ATRNL1: variants seen among roughly 807,000 people sequenced by gnomAD.
The protein encoded by ATRNL1 is attractin like 1.
Under a neutral mutation model 182.7 loss-of-function variants are expected in ATRNL1, and 95 were observed. The ratio of observed to expected loss-of-function variants is 0.52; its 90% CI spans 0.44 to 0.62. The LOEUF (loss-of-function observed/expected upper bound fraction) is 0.62. Ranked by LOEUF, ATRNL1 falls within the 20% of genes least tolerant of loss-of-function variation. The pLI is 0.00. For missense variants in ATRNL1, 1,471 were observed against 1,679.5 expected (o/e 0.88, Z 2.17); for synonymous variants, 576 against 568.3 (o/e 1.01, Z -0.19).
At chr10:115,206,555 G>T (rs548207960) in intron 8 of ATRNL1, among the ~76,000 whole-genome samples, 2 of 151,762 alleles carry the variant, frequency 1.3e-5, no homozygotes, top group East Asian at 1.9e-4. Context: ...ACAATAAATT[G>T]TTCTAGTGTT....
intron 26 of ATRNL1, among the ~76,000 whole-genome samples, chr10:115,693,009 A>G (rs782200418): frequency 2.0e-5 from 3 of 152,084 alleles, no homozygotes; most frequent in Non-Finnish European, 4.4e-5. Context: ...GAGTAAGATC[A>G]TTGATCACTG....
At chr10:115,301,486 A>G (rs1554924448) in intron 16 of ATRNL1, among the ~76,000 whole-genome samples, 1 of 152,172 alleles carries the variant, frequency 6.6e-6, no homozygotes, top group African/African-American at 2.4e-5. Flanking sequence ...CACTTACAGG[A>G]CATTTACTTT....
At chr10:115,706,192 C>G (rs1221813773) in intron 26 of ATRNL1, among the ~76,000 whole-genome samples, 2 of 151,916 alleles carry the variant, frequency 1.3e-5, no homozygotes, top group African/African-American at 4.8e-5. Flanking sequence ...ATGTTCTTGC[C>G]TTTTTTAGTT....
chr10:115,908,629 G>A (rs1297896940), intron 28 of ATRNL1, among the ~76,000 whole-genome samples: 6 of 152,262 alleles, frequency 3.9e-5, no homozygotes, highest in African/African-American at 1.4e-4. Context: ...TAGTACATGT[G>A]CATCCTTGAG....
chr10:115,766,712 A>T (rs1266407816), intron 27 of ATRNL1, among the ~76,000 whole-genome samples: 1 of 152,210 alleles, frequency 6.6e-6, no homozygotes, highest in East Asian at 1.9e-4. Context: ...CAAGTGTAGA[A>T]AAAGTGCTTT....
chr10:115,677,769 G>A (rs1324205861), intron 26 of ATRNL1, among the ~76,000 whole-genome samples: 1 of 151,990 alleles, frequency 6.6e-6, no homozygotes, highest in African/African-American at 2.4e-5. Context: ...CCCAGAGGAG[G>A]GAGAGAATAG....
intron 9 of ATRNL1, among the ~76,000 whole-genome samples, chr10:115,223,885 A>ATG (rs1849571449): frequency 9.7e-6 from 1 of 102,906 alleles, no homozygotes; most frequent in South Asian, 3.1e-4. Flanking sequence ...TGTATTTAAT[A>ATG]TATGTGTGTG....
chr10:115,640,236 A>G (rs1163109631), intron 26 of ATRNL1, among the ~76,000 whole-genome samples: 4 of 152,204 alleles, frequency 2.6e-5, no homozygotes, highest in Non-Finnish European at 5.9e-5. Flanking sequence ...CAATAAACAT[A>G]TATGTGCATG....
chr10:115,484,651 G>A (rs1848934163), intron 24 of ATRNL1, among the ~76,000 whole-genome samples: 1 of 151,558 alleles, frequency 6.6e-6, no homozygotes, highest in African/African-American at 2.4e-5. Context: ...TATTCTTATA[G>A]TATTTGAACA....
intron 24 of ATRNL1, among the ~76,000 whole-genome samples, chr10:115,516,534 A>AT (rs1850646256): frequency 6.6e-6 from 1 of 151,860 alleles, no homozygotes; most frequent in African/African-American, 2.4e-5. Flanking sequence ...CCAGAATGAT[A>AT]TTTTTCTTGA....
intron 26 of ATRNL1, among the ~76,000 whole-genome samples, chr10:115,594,684 T>C (rs1379423560): frequency 6.6e-6 from 1 of 152,176 alleles, no homozygotes; most frequent in Non-Finnish European, 1.5e-5. Flanking sequence ...TTTGTGTTTT[T>C]AATGGAGATG....
intron 26 of ATRNL1, among the ~76,000 whole-genome samples, chr10:115,620,988 T>C (rs761204469): frequency 7.2e-5 from 11 of 152,074 alleles, no homozygotes; most frequent in Non-Finnish European, 1.5e-4. Context: ...TCAGTTGAGT[T>C]AGGGGTTAAT....
chr10:115,138,534 G>A (rs1845618974), intron 5 of ATRNL1, among the ~76,000 whole-genome samples: 1 of 152,232 alleles, frequency 6.6e-6, no homozygotes, highest in African/African-American at 2.4e-5. Flanking sequence ...CCACATGGAA[G>A]CTGCCAAGGC....
intron 26 of ATRNL1, among the ~76,000 whole-genome samples, chr10:115,618,506 T>C (rs1170204325): frequency 6.6e-6 from 1 of 151,800 alleles, no homozygotes; most frequent in Admixed American, 6.6e-5. Flanking sequence ...CATTGGCCTT[T>C]TTACAATTTT....
chr10:115,476,453 C>G (rs1848534280), intron 24 of ATRNL1, among the ~76,000 whole-genome samples: 2 of 151,042 alleles, frequency 1.3e-5, no homozygotes, highest in Non-Finnish European at 3.0e-5. Context: ...GATTTTCTTT[C>G]TACTTTTTCT....
chr10:115,784,508 C>T (rs1949348053), intron 27 of ATRNL1, among the ~76,000 whole-genome samples: 1 of 152,164 alleles, frequency 6.6e-6, no homozygotes, highest in Admixed American at 6.5e-5. Flanking sequence ...TATTAGTTTT[C>T]TAGAACTGCC....
chr10:115,727,508 T>G (rs1029691293), intron 27 of ATRNL1, among the ~76,000 whole-genome samples, 153 bp downstream of exon 27: 3 of 152,220 alleles, frequency 2.0e-5, no homozygotes, highest in Non-Finnish European at 4.4e-5. Context: ...TCAAGGCACA[T>G]AGTTTTAATA....
At chr10:115,297,527 C>T (rs1023072814) in intron 15 of ATRNL1, among the ~76,000 whole-genome samples, 19 of 151,890 alleles carry the variant, frequency 1.3e-4, no homozygotes, top group African/African-American at 4.6e-4. Context: ...TGCCTGTAGT[C>T]CCAGCTACTC....
Position 115,564,029 on chromosome 10 carries a change from G to C in ATRNL1, c.3795+14493G>C, listed in dbSNP as rs1053094019. On this transcript the variant is annotated intron_variant, in intron 26 of 28. Transcript: ENST00000355044. Reference sequence around the variant, plus strand: ...ATCATGCTGAACTGGTGTTCGACCTGTACTGTCCTTATCTATAAATTACAG... The same window carrying C: ...ATCATGCTGAACTGGTGTTCGACCTCTACTGTCCTTATCTATAAATTACAG... Among the ~76,000 whole-genome samples, 5 of 152,062 alleles carry C rather than the reference G, an allele frequency of 3.3e-5. No homozygotes were observed. In the East Asian group the frequency reaches 9.6e-4, roughly 29 times the overall value.
Sources: allele counts gnomAD v4.1 joint callset (sites outside exome capture counted in the v4.1 genomes callset), GRCh38; gene constraint gnomAD v4.1.1; transcripts MANE v1.5; gene names NCBI Gene and HGNC (gene_info 2026-07-23, HGNC 2026-07-21).